NEK5: variants seen among roughly 807,000 people sequenced by gnomAD.
The protein encoded by NEK5 is serine/threonine-protein kinase Nek5.
A neutral mutation model predicts 109.2 loss-of-function variants in NEK5; 88 were observed. The observed-to-expected ratio is 0.81, with a 90% CI of 0.68 to 0.96. The LOEUF (loss-of-function observed/expected upper bound fraction) is 0.96, where lower values mean the gene tolerates loss of function less well. Ranked by LOEUF, NEK5 falls within the 40% of genes least tolerant of loss-of-function variation. NEK5 has a pLI of 0.00. For synonymous variants in NEK5, 283 were observed against 299.9 expected (o/e 0.94, Z 0.58); for missense variants, 834 against 920.7 (o/e 0.91, Z 1.22).
At chr13:52,094,602 T>C (rs1437041218) in intron 12 of NEK5, among the ~76,000 whole-genome samples, 1 of 152,194 alleles carries the variant, frequency 6.6e-6, no homozygotes, top group East Asian at 1.9e-4. Flanking sequence ...GCTAACAAGG[T>C]GAAACCCCGT....
intron 8 of NEK5, among the ~76,000 whole-genome samples, chr13:52,105,259 G>A (rs940451984): frequency 7.7e-6 from 1 of 130,716 alleles, no homozygotes; most frequent in Non-Finnish European, 1.8e-5. Flanking sequence ...GTGTGTGTGT[G>A]TGTGTGTGTG....
At chr13:52,101,183 G>C (rs972769959) in intron 11 of NEK5, among the ~76,000 whole-genome samples, 1 of 152,166 alleles carries the variant, frequency 6.6e-6, no homozygotes, top group East Asian at 1.9e-4. Flanking sequence ...CGGATCACGA[G>C]GTCCGGAGAT....
chr13:52,064,176 TG>T (rs538346016), intron 21 of NEK5, among the ~76,000 whole-genome samples: 2 of 73,452 alleles, frequency 2.7e-5, no homozygotes, highest in African/African-American at 5.3e-5. Flanking sequence ...GGGAGGGAGG[TG>T]GGGGGGTCAG....
chr13:52,066,826 T>C (rs1954698469), intron 20 of NEK5, among the ~76,000 whole-genome samples: 1 of 151,758 alleles, frequency 6.6e-6, no homozygotes, highest in South Asian at 2.1e-4. Context: ...AAATGACCTA[T>C]GTTCTTTTAT....
chr13:52,055,142 C>T (rs552875504), intron 22 of NEK5, among the ~76,000 whole-genome samples: 122 of 151,992 alleles, frequency 8.0e-4, no homozygotes, highest in Non-Finnish European at 1.2e-3. Flanking sequence ...TCGAGAACTA[C>T]GTGAAGAATG....
At chr13:52,123,970 A>T (rs1956018734) in intron 3 of NEK5, among the ~76,000 whole-genome samples, 1 of 152,120 alleles carries the variant, frequency 6.6e-6, no homozygotes, top group Non-Finnish European at 1.5e-5. Flanking sequence ...TTTTGGAGCA[A>T]ATCAGAGAGG....
intron 7 of NEK5, among the ~76,000 whole-genome samples, chr13:52,108,964 C>G (rs1314713631): frequency 6.6e-6 from 1 of 152,172 alleles, no homozygotes; most frequent in Non-Finnish European, 1.5e-5. Flanking sequence ...GGTACATGGC[C>G]ATGGCCATGC....
chr13:52,115,994 G>A (rs1007686708), intron 4 of NEK5, among the ~76,000 whole-genome samples: 10 of 151,788 alleles, frequency 6.6e-5, no homozygotes, highest in African/African-American at 2.4e-4. Flanking sequence ...TGGGCAACAT[G>A]GCGAAAACCT....
chr13:52,090,841 C>G (rs1298419735), intron 13 of NEK5, among the ~76,000 whole-genome samples: 2 of 152,024 alleles, frequency 1.3e-5, no homozygotes, highest in Admixed American at 1.3e-4. Context: ...CTGGCTGACA[C>G]AGTGAAACCC....
intron 17 of NEK5, among the ~76,000 whole-genome samples, chr13:52,080,670 TG>T (rs757414446): frequency 2.6e-3 from 397 of 152,210 alleles, no homozygotes; most frequent in Non-Finnish European, 4.8e-3. Context: ...AGATGTGCTT[TG>T]TTAAACAGAT....
In NEK5 at chr13:52,084,762, A is replaced by AGTGTGTGTGTGT. The variant is rs368429926; in HGVS notation, c.1480-1422_1480-1411dup. Among the ~76,000 whole-genome samples, 63 of 47,434 alleles carry AGTGTGTGTGTGT rather than the reference A, an allele frequency of 1.3e-3. 1 individual carries two copies. The highest frequency in any genetic ancestry group is 2.3e-3 in the South Asian group (3 of 1,278). 31.1% of individuals were successfully genotyped at this position (47,434 alleles called of 152,430 possible). The stretch of plus-strand genomic sequence containing the variant: ...GAGAGAGAGAGAGAGAGAGAGAGAG[A>AGTGTGTGTGTGT]GTGTGTGTGTGTGTGTGTGTGTGTG... On this transcript the variant is annotated intron_variant, in intron 16 of 23. Transcript: ENST00000684899.
At chr13:52,053,260 C>T (rs75501944) in intron 22 of NEK5, among the ~76,000 whole-genome samples, 2,514 of 152,104 alleles carry the variant, frequency 0.017, 73 homozygotes, top group African/African-American at 0.058. Context: ...GAAACTCCAA[C>T]CTGCGTAACA....
chr13:52,060,207 G>T (rs1954599721), intron 22 of NEK5, among the ~76,000 whole-genome samples: 1 of 152,064 alleles, frequency 6.6e-6, no homozygotes, highest in African/African-American at 2.4e-5. Flanking sequence ...ATACTTAGAT[G>T]TGTTAATAAA....
chr13:52,104,117 G>C (rs1393422998), intron 9 of NEK5, among the ~76,000 whole-genome samples: 1 of 151,968 alleles, frequency 6.6e-6, no homozygotes, highest in Admixed American at 6.6e-5. Flanking sequence ...ATGCCACCAT[G>C]CCTGGCTAAT....
At chr13:52,065,752 T>C in intron 20 of NEK5, 143 bp from the exon 21 acceptor site, 1 of 619,732 alleles carries the variant, frequency 1.6e-6, no homozygotes, top group South Asian at 1.9e-5. Context: ...CTAACAGATA[T>C]AAGACTGAAA....
At chr13:52,106,072 T>G (rs1205144358) in intron 8 of NEK5, among the ~76,000 whole-genome samples, 1 of 152,024 alleles carries the variant, frequency 6.6e-6, no homozygotes, top group Non-Finnish European at 1.5e-5. Context: ...CCCAAGGCTG[T>G]CTGTGGCATG....
chr13:52,063,874 C>T (rs1284819628), intron 21 of NEK5, among the ~76,000 whole-genome samples: 23 of 152,162 alleles, frequency 1.5e-4, no homozygotes, highest in South Asian at 8.3e-4. Flanking sequence ...CGTCTCCGCC[C>T]GGCAGCCTCC....
intron 20 of NEK5, among the ~76,000 whole-genome samples, chr13:52,070,628 C>T (rs1005725822): frequency 6.6e-6 from 1 of 152,210 alleles, no homozygotes; most frequent in Non-Finnish European, 1.5e-5. Context: ...GATTGTGAGG[C>T]TTCCCCAGCC....
intron 18 of NEK5, 91 bp downstream of exon 18, chr13:52,075,972 T>C: frequency 1.1e-6 from 1 of 948,162 alleles, no homozygotes; most frequent in Non-Finnish European, 1.6e-6. Flanking sequence ...TATAAAATAC[T>C]AGGGGGAAAA....
Sources: gnomAD v4.1 joint callset for allele counts (sites outside exome capture counted in the v4.1 genomes callset) on GRCh38, gnomAD v4.1.1 for gene constraint, MANE v1.5 for transcripts, NCBI Gene and HGNC (gene_info 2026-07-23, HGNC 2026-07-21) for gene names.